Variants in PPARG observed in about 807,000 individuals in gnomAD.
PPARG encodes peroxisome proliferator activated receptor gamma, also known as peroxisome proliferator-activated receptor gamma.
In PPARG, 17 loss-of-function variants were observed where a neutral mutation model predicts 39.2. The observed-to-expected ratio is 0.43, with a 90% CI of 0.30 to 0.65. The LOEUF is 0.65. Ranked by LOEUF, PPARG falls within the 30% of genes least tolerant of loss-of-function variation. PPARG has a pLI of 0.13. For missense variants in PPARG, 406 were observed against 585.9 expected, an observed-to-expected ratio of 0.69 and a Z score of 3.17; for synonymous variants, 223 against 215.7, an observed-to-expected ratio of 1.03 and a Z score of -0.30.
At chr3:12,370,791 G>T (rs1364051035) in intron 2 of PPARG, among the ~76,000 whole-genome samples, 1 of 152,072 alleles carries the variant, frequency 6.6e-6, no homozygotes, top group East Asian at 1.9e-4. Context: ...ATTTTTAAAG[G>T]AACATTATTA....
intron 2 of PPARG, among the ~76,000 whole-genome samples, chr3:12,370,678 C>T (rs1365275247): frequency 6.6e-6 from 1 of 152,186 alleles, no homozygotes. Flanking sequence ...GAACATTAGC[C>T]TGTTAGTTTA....
chr3:12,314,450 A>G (rs180879482), intron 2 of PPARG, among the ~76,000 whole-genome samples: 27 of 152,302 alleles, frequency 1.8e-4, no homozygotes, highest in African/African-American at 5.5e-4. Context: ...ATCAAGGTCA[A>G]TATCAAGGAT....
intron 1 of PPARG, among the ~76,000 whole-genome samples, chr3:12,306,267 G>C (rs2047060629): frequency 6.6e-6 from 1 of 152,154 alleles, no homozygotes; most frequent in South Asian, 2.1e-4. Flanking sequence ...AGAATCTAAG[G>C]CTGCTACTGA....
chr3:12,354,531 G>C (rs765736501), intron 2 of PPARG, among the ~76,000 whole-genome samples: 3 of 151,978 alleles, frequency 2.0e-5, no homozygotes, highest in Non-Finnish European at 2.9e-5. Flanking sequence ...AGATCACGAG[G>C]TCAGGAGGTC....
At chr3:12,362,005 ATT>A (rs776726689) in intron 2 of PPARG, among the ~76,000 whole-genome samples, 75 of 152,032 alleles carry the variant, frequency 4.9e-4, no homozygotes, top group Non-Finnish European at 1.0e-3. Flanking sequence ...TAAATAGTAT[ATT>A]TGAGTTTTCA....
chr3:12,427,266 G>C (rs1020266981), intron 7 of PPARG, among the ~76,000 whole-genome samples: 1 of 108,296 alleles, frequency 9.2e-6, no homozygotes, highest in Non-Finnish European at 2.0e-5. Context: ...AGGAAGTAGT[G>C]AATTGGGGCA....
At chr3:12,316,544 T>C (rs1449606633) in intron 2 of PPARG, among the ~76,000 whole-genome samples, 1 of 152,124 alleles carries the variant, frequency 6.6e-6, no homozygotes, top group Non-Finnish European at 1.5e-5. Context: ...CTTAATGCCA[T>C]TGAATGCACA....
intron 7 of PPARG, among the ~76,000 whole-genome samples, chr3:12,431,813 G>A (rs115436762): frequency 0.015 from 2,250 of 152,138 alleles, 71 homozygotes; most frequent in African/African-American, 0.052. Context: ...GGCGGCTCAT[G>A]CCTATAGTCC....
chr3:12,369,904 A>C (rs1341383982), intron 2 of PPARG, among the ~76,000 whole-genome samples: 2 of 152,180 alleles, frequency 1.3e-5, no homozygotes, highest in Non-Finnish European at 2.9e-5. Context: ...GGTCAGACAT[A>C]TCGGGCATTC....
chr3:12,419,035 C>T (rs2051171869), intron 7 of PPARG, among the ~76,000 whole-genome samples: 1 of 152,204 alleles, frequency 6.6e-6, no homozygotes, highest in South Asian at 2.1e-4. Flanking sequence ...ATCTCCACCT[C>T]CCGGGTTCAA....
At chr3:12,304,531 A>G (rs2047010099) in intron 1 of PPARG, among the ~76,000 whole-genome samples, 1 of 152,200 alleles carries the variant, frequency 6.6e-6, no homozygotes, top group Non-Finnish European at 1.5e-5. Context: ...GGTGAAGAAA[A>G]ATGTTAGCTG....
At chr3:12,417,477 G>T (rs144072091) in intron 7 of PPARG, among the ~76,000 whole-genome samples, 3 of 151,998 alleles carry the variant, frequency 2.0e-5, no homozygotes, top group African/African-American at 7.2e-5. Flanking sequence ...AAGATTAGAG[G>T]CCAGTCTAAT....
chr3:12,427,446 A>G (rs1054081182), intron 7 of PPARG, among the ~76,000 whole-genome samples: 2 of 152,182 alleles, frequency 1.3e-5, no homozygotes, highest in Non-Finnish European at 2.9e-5. Context: ...CTTCAATTTC[A>G]TAACTGTTGA....
intron 2 of PPARG, among the ~76,000 whole-genome samples, chr3:12,338,353 T>C (rs757427655): frequency 1.8e-4 from 27 of 152,238 alleles, no homozygotes; most frequent in Non-Finnish European, 2.6e-4. Flanking sequence ...TCCTCTTTTG[T>C]CTTTATTTAT....
At chr3:12,314,231 C>T (rs551134536) in intron 2 of PPARG, among the ~76,000 whole-genome samples, 7 of 152,162 alleles carry the variant, frequency 4.6e-5, no homozygotes, top group African/African-American at 1.4e-4. Context: ...GAGCTGAGAT[C>T]GCACCACTGT....
intron 5 of PPARG, among the ~76,000 whole-genome samples, chr3:12,393,648 TA>T (rs2050157072): frequency 6.6e-6 from 1 of 152,174 alleles, no homozygotes; most frequent in African/African-American, 2.4e-5. Flanking sequence ...ATGATCAAAT[TA>T]AATTTGAAGT....
chr3:12,342,409 G>A (rs913089235), intron 2 of PPARG, among the ~76,000 whole-genome samples: 9 of 152,296 alleles, frequency 5.9e-5, no homozygotes, highest in Admixed American at 3.9e-4. Context: ...GATTAGATTA[G>A]GGTTGGAGCA....
intron 1 of PPARG, among the ~76,000 whole-genome samples, chr3:12,306,215 T>A (rs1467403842): frequency 6.6e-6 from 1 of 152,242 alleles, no homozygotes. Context: ...GCAACATAGA[T>A]CCCTCACATG....
intron 2 of PPARG, among the ~76,000 whole-genome samples, chr3:12,333,493 C>T (rs1157143595): frequency 6.6e-6 from 1 of 152,138 alleles, no homozygotes; most frequent in East Asian, 1.9e-4. Context: ...GAGACAGAGT[C>T]TCACTCTGTT....
Sources: allele counts gnomAD v4.1 joint callset (sites outside exome capture counted in the v4.1 genomes callset), GRCh38; gene constraint gnomAD v4.1.1; transcripts MANE v1.5; gene names NCBI Gene and HGNC (gene_info 2026-07-23, HGNC 2026-07-21).